The following TSC22D4 variants were observed in gnomAD, a reference collection of about 807,000 sequenced individuals.
The protein encoded by TSC22D4 is TSC22 domain family protein 4.
Under a neutral mutation model 24.9 loss-of-function variants are expected in TSC22D4, and 5 were observed. The observed-to-expected ratio is 0.20, with a 90% confidence interval of 0.10 to 0.42. TSC22D4 has a LOEUF of 0.42. Among genes scored for constraint, TSC22D4 ranks in the 10% least tolerant of loss-of-function variants. TSC22D4 has a pLI of 1.00. For missense variants in TSC22D4, 469 were observed against 547.9 expected (o/e 0.86, Z 1.44); for synonymous variants, 245 against 243.2 (o/e 1.01, Z -0.07).
In TSC22D4 at chr7:100,474,674, TAG is replaced by T. The variant is rs370053433; in HGVS notation, c.763-236_763-235del. Among the ~76,000 whole-genome samples the T allele has an allele frequency of 1.3e-5, 2 of 151,890 alleles. No individual in the cohort carries two copies. The highest frequency in any genetic ancestry group is 6.6e-5 in the Admixed American group (1 of 15,256). ...ATGGGAGGAGTGGTGTATAGGACAT[TAG>T]AGAGAGTCTCCCAAGTGGGAGGAGG... is the stretch of plus-strand genomic sequence containing the variant. On this transcript the variant is annotated intron_variant, in intron 2 of 4. Transcript: ENST00000300181. The surrounding 1 kb of genome is among the most constrained non-coding windows in gnomAD (Gnocchi z 4.3).
chr7:100,476,518 C>T (rs1799499184), intron 2 of TSC22D4, among the ~76,000 whole-genome samples: 1 of 152,202 alleles, frequency 6.6e-6, no homozygotes. Context: ...AGGCATCCTG[C>T]CCCCACAGCC....
At position 100,474,573 on chromosome 7, in the gene TSC22D4, C is replaced by T. The variant is rs1407375048; in HGVS notation, c.763-133G>A. 3.6e-5 allele frequency: 38 copies of T among 1,055,828 alleles called. No individual in the cohort carries two copies. The highest frequency in any genetic ancestry group is 3.9e-5 in the Non-Finnish European group (29 of 735,284). The allele number at this position is 1,055,828 out of a possible 1,614,324, so 65.4% of individuals were successfully genotyped here. ...TTCGAGGACCCAGGAGTCCTGTCCC[C>T]GCAGTCCTTCCCTCCTCCAGCTCTG... On this transcript the variant is annotated intron_variant, in intron 2 of 4. Transcript: ENST00000300181. This position sits in a 1 kb window ranked among gnomAD's most constrained non-coding sequence, Gnocchi z 4.3.
chr7:100,477,233 G>GT lies in TSC22D4; in HGVS notation c.762+43dup, dbSNP rs771040438. The GT allele has an allele frequency of 2.0e-5, 28 of 1,404,808 alleles. No homozygotes were observed. The highest frequency in any genetic ancestry group is 2.0e-4 in the Middle Eastern group (1 of 5,074). The allele number at this position is 1,404,808 out of a possible 1,614,324, so 87.0% of individuals were successfully genotyped here. A position where few individuals can be genotyped will look rare whatever the true frequency, so the allele number is the denominator to read the frequency against. Reference sequence around the variant, plus strand: ...AGGAGGAAGGAGGCTCAAGATAGAGGTTAGGCCAGGGCTGATGGGCCAGCC... The same window carrying GT: ...AGGAGGAAGGAGGCTCAAGATAGAGGTTTAGGCCAGGGCTGATGGGCCAGCC... On this transcript the variant is annotated intron_variant, in intron 2 of 4. Coordinates refer to ENST00000300181, the MANE Select transcript of TSC22D4 (RefSeq NM_030935.5). The surrounding 1 kb of genome is among the most constrained non-coding windows in gnomAD (Gnocchi z 7.8).
At chr7:100,473,969 GC>G in intron 3 of TSC22D4, 1 of 321,164 alleles carries the variant, frequency 3.1e-6, no homozygotes, top group Non-Finnish European at 6.0e-6. Context: ...TCCTGGGTTG[GC>G]CAGATGATCT....
chr7:100,472,241 C>T (rs953516836), intron 3 of TSC22D4, among the ~76,000 whole-genome samples: 3 of 152,110 alleles, frequency 2.0e-5, no homozygotes, highest in Non-Finnish European at 4.4e-5. Flanking sequence ...AGAGGTGGGG[C>T]CTACATGTCC....
chr7:100,478,111 G>C lies in TSC22D4; in HGVS notation c.-73C>G. On this transcript the variant is annotated 5_prime_UTR_variant, in exon 2 of 5. Transcript: ENST00000300181. Reference sequence around the variant, plus strand: ...TCCTTGAAGGGGCTCAGGCACCCCTGGAACAAGGGGGCCACATGGCGGGGA... The same window carrying C: ...TCCTTGAAGGGGCTCAGGCACCCCTCGAACAAGGGGGCCACATGGCGGGGA... 1.5e-6 allele frequency: 2 copies of C among 1,293,444 alleles called. No individual in the cohort carries two copies. The highest frequency in any genetic ancestry group is 2.9e-5 in the South Asian group (2 of 69,320). 80.1% of individuals were successfully genotyped at this position (1,293,444 alleles called of 1,614,324 possible).
chr7:100,466,827 G>A lies in TSC22D4; in HGVS notation c.*132C>T, dbSNP rs1799286160. On this transcript the variant is annotated 3_prime_UTR_variant, in exon 5 of 5. Coordinates refer to ENST00000300181, the MANE Select transcript of TSC22D4 (RefSeq NM_030935.5). Reference sequence around the variant, plus strand: ...ATGAGGAGATGGGGCAGGGGCCGGGGGACCAGGCCATTACTGAGCCTTGAA... The same window carrying A: ...ATGAGGAGATGGGGCAGGGGCCGGGAGACCAGGCCATTACTGAGCCTTGAA... The A allele has an allele frequency of 5.7e-6, 5 of 877,512 alleles. No individual in the cohort carries two copies. Among genetic ancestry groups the A allele is most frequent in the Non-Finnish European group, 8.6e-6 (5 of 579,886 alleles). 54.4% of individuals were successfully genotyped at this position (877,512 alleles called of 1,614,324 possible). A position where few individuals can be genotyped will look rare whatever the true frequency, so the allele number is the denominator to read the frequency against.
chr7:100,475,250 A>AT (rs1054687178), intron 2 of TSC22D4, among the ~76,000 whole-genome samples: 12 of 152,072 alleles, frequency 7.9e-5, no homozygotes, highest in South Asian at 2.1e-4. Context: ...CACCTGGCTA[A>AT]TTTTTTTATT....
In TSC22D4 at chr7:100,467,304, A is replaced by T. The variant is rs1799300322; in HGVS notation, c.979-136T>A. 4.0e-6 allele frequency: 4 copies of T among 1,002,174 alleles called. No individual in the cohort carries two copies. In the South Asian group the frequency reaches 5.4e-5, roughly 14 times the overall value. The allele number at this position is 1,002,174 out of a possible 1,614,324, so 62.1% of individuals were successfully genotyped here. ...CAAAGCAGGGAAGGGACAGGGGAAA[A>T]GGACGAGGGACAGAGGCAGAGTCAG... On this transcript the variant is annotated intron_variant, in intron 4 of 4. Transcript: ENST00000300181.
rs775741771 is a variant in TSC22D4 at position 100,467,034 on chromosome 7, C to A, written c.1113G>T (p.Pro371=). 15 of 1,612,654 alleles carry A rather than the reference C, an allele frequency of 9.3e-6. No individual in the cohort carries two copies. In the South Asian group the frequency reaches 1.6e-4, roughly 18 times the overall value. Residue 371 remains proline, a synonymous_variant, in exon 5 of 5, where the codon CCG becomes CCT. Transcript: ENST00000300181. ...AGGAGGGCAGCTGAGCCAGCTGCTCCGGGCTGGCCAGGGCGCGCAGCAGCC... is the reference window on the plus strand; with the variant it reads ...AGGAGGGCAGCTGAGCCAGCTGCTCAGGGCTGGCCAGGGCGCGCAGCAGCC... The part of the protein sequence containing the change: ...ENGLLRALAS[P]EQLAQLPSSG...
intron 3 of TSC22D4, among the ~76,000 whole-genome samples, chr7:100,471,369 G>A (rs1584348613): frequency 6.6e-6 from 1 of 152,200 alleles, no homozygotes; most frequent in African/African-American, 2.4e-5. Context: ...TGGAGAAGGT[G>A]TGGCTTTGGA....
In TSC22D4 at chr7:100,477,351, G is replaced by C. The variant is rs1388381304; in HGVS notation, c.688C>G (p.Pro230Ala). 1 of 1,565,272 alleles carries C rather than the reference G, an allele frequency of 6.4e-7. No homozygotes were observed. Among genetic ancestry groups the C allele is most frequent in the East Asian group, 2.2e-5 (1 of 44,480 alleles). The part of the protein sequence containing the change: ...AEAGGSGART[P>A]PLSRRKAVDM... ...ACAGCTTTCCTCCGGGACAGTGGAG[G>C]GGTCCTGGCCCCTGAGCCCCCAGCC... The change falls in exon 2 of 5, where the codon CCT becomes GCT. Residue 230 changes from proline (P) to alanine (A), a missense_variant. Physicochemically the swap from Pro to Ala is conservative, Grantham distance 27. Coordinates refer to ENST00000300181, the MANE Select transcript of TSC22D4 (RefSeq NM_030935.5). The surrounding 1 kb of genome is among the most constrained non-coding windows in gnomAD (Gnocchi z 7.8).
At chr7:100,467,760 C>T in intron 3 of TSC22D4, 160 bp from the exon 4 acceptor site, 1 of 754,754 alleles carries the variant, frequency 1.3e-6, no homozygotes, top group Non-Finnish European at 2.3e-6. Flanking sequence ...AAGGCCGCTG[C>T]CCAGGGCCTC....
intron 3 of TSC22D4, among the ~76,000 whole-genome samples, chr7:100,472,850 C>T (rs898323609): frequency 1.3e-5 from 2 of 152,034 alleles, no homozygotes; most frequent in African/African-American, 4.8e-5. Flanking sequence ...GCGAGTGGCC[C>T]CTGATCTGGG....
At chr7:100,467,449 G>T in intron 4 of TSC22D4, 103 bp downstream of exon 4, 2 of 1,271,594 alleles carry the variant, frequency 1.6e-6, no homozygotes, top group South Asian at 2.4e-5. Context: ...AGGGACGGAG[G>T]AGCTGGGAGT....
intron 3 of TSC22D4, among the ~76,000 whole-genome samples, chr7:100,470,906 G>T (rs2131044141): frequency 6.6e-6 from 1 of 152,346 alleles, no homozygotes; most frequent in East Asian, 1.9e-4. Flanking sequence ...CCTGGAGTTA[G>T]TTGTGCAGTG....
rs773018910 is a variant in TSC22D4, at chr7:100,477,571, G to T, written c.468C>A (p.Pro156=). Residue 156 remains proline, a synonymous_variant, in exon 2 of 5, where the codon CCC becomes CCA. Transcript: ENST00000300181. The surrounding 1 kb of genome is among the most constrained non-coding windows in gnomAD (Gnocchi z 7.8). ...AGCGGGCCTGAGGTCCAGGAGAGGTGGGGGGTGGACGGAGCCAGGAGGTGG... is the reference window on the plus strand; with the variant it reads ...AGCGGGCCTGAGGTCCAGGAGAGGTTGGGGGTGGACGGAGCCAGGAGGTGG... ...QGPTSWLRPP[P]TSPGPQARSF... is the part of the protein sequence containing the mutation. 15 of 1,581,076 alleles carry T rather than the reference G, an allele frequency of 9.5e-6. No individual in the cohort carries two copies. The highest frequency in any genetic ancestry group is 3.6e-5 in the Admixed American group (2 of 56,222).
intron 3 of TSC22D4, among the ~76,000 whole-genome samples, chr7:100,470,257 A>C (rs1349073732): frequency 6.6e-6 from 1 of 152,154 alleles, no homozygotes; most frequent in Admixed American, 6.6e-5. Context: ...AAGGAATAAT[A>C]CAGCAATAAA....
chr7:100,473,982 T>C, intron 3 of TSC22D4: 1 of 346,878 alleles, frequency 2.9e-6, no homozygotes, highest in Non-Finnish European at 5.5e-6. Flanking sequence ...AGATGATCTC[T>C]AAATCTGCAA....
Sources: allele counts gnomAD v4.1 joint callset (sites outside exome capture counted in the v4.1 genomes callset), GRCh38; gene constraint gnomAD v4.1.1; non-coding constraint Gnocchi (gnomAD v3.1); transcripts MANE v1.5; gene names NCBI Gene and HGNC (gene_info 2026-07-23, HGNC 2026-07-21).